Variants in SLC25A28 observed in about 807,000 individuals in gnomAD.
SLC25A28 encodes mitoferrin-2.
In SLC25A28, 10 loss-of-function variants were observed where a neutral mutation model predicts 31.9. The ratio of observed to expected loss-of-function variants is 0.31; its 90% CI spans 0.19 to 0.53. SLC25A28 has a LOEUF of 0.53. SLC25A28 is among the 20% of genes least tolerant of loss of function. The pLI is 0.95. For synonymous variants in SLC25A28, 208 were observed against 203.6 expected (o/e 1.02, Z -0.19); for missense variants, 256 against 490.3 (o/e 0.52, Z 4.51).
the SLC25A28 span, among the ~76,000 whole-genome samples, chr10:99,634,647 A>G: frequency 6.6e-6 from 1 of 152,234 alleles, no homozygotes; most frequent in Non-Finnish European, 1.5e-5. Context: ...CTGGGATTCT[A>G]TTAAATGACC....
the SLC25A28 span, among the ~76,000 whole-genome samples, chr10:99,633,897 T>A: frequency 6.6e-6 from 1 of 151,986 alleles, no homozygotes; most frequent in South Asian, 2.1e-4. Context: ...ACAGAGTCCA[T>A]TTCACCCCCC....
In SLC25A28 at chr10:99,615,902, G is replaced by A. The variant is rs921209209; in HGVS notation, c.292-1978C>T. 8.1e-6 allele frequency: 8 copies of A among 985,216 alleles called. No individual in the cohort carries two copies. The East Asian group carries it at 5.7e-4, about 70-fold the overall frequency. The allele number at this position is 985,216 out of a possible 1,614,324, so 61.0% of individuals were successfully genotyped here. A position where few individuals can be genotyped will look rare whatever the true frequency, so the allele number is the denominator to read the frequency against. On this transcript the variant is annotated intron_variant, in intron 1 of 3. Coordinates refer to ENST00000370495, the MANE Select transcript of SLC25A28 (RefSeq NM_031212.4). ...TACCAATTCTGAACGGTTTGGCTTC[G>A]GAGGCCTGGAACTCCTCACCCCCAA...
the SLC25A28 span, among the ~76,000 whole-genome samples, chr10:99,629,049 G>A: frequency 6.6e-6 from 1 of 152,146 alleles, no homozygotes; most frequent in Admixed American, 6.5e-5. Flanking sequence ...TAATTTGGAT[G>A]TCTGTCCCCT....
chr10:99,640,190 A>T, the SLC25A28 span, among the ~76,000 whole-genome samples: 1 of 152,238 alleles, frequency 6.6e-6, no homozygotes, highest in Non-Finnish European at 1.5e-5. Flanking sequence ...CACAAAACTT[A>T]GTAGCTTAAA....
intron 1 of SLC25A28, chr10:99,616,052 T>A: frequency 2.0e-6 from 2 of 985,428 alleles, no homozygotes; most frequent in African/African-American, 3.5e-5. Context: ...CTATGCCAAA[T>A]ATAAAAATGA....
chr10:99,657,698 T>C, the SLC25A28 span, among the ~76,000 whole-genome samples: 1 of 151,682 alleles, frequency 6.6e-6, no homozygotes, highest in East Asian at 1.9e-4. Flanking sequence ...AATCAGGACT[T>C]GGTCAATGAC....
intron 1 of SLC25A28, chr10:99,617,854 G>A: frequency 1.2e-6 from 1 of 820,776 alleles, no homozygotes; most frequent in Non-Finnish European, 1.5e-6. Flanking sequence ...CAAAGTTTAT[G>A]TAAATGAGTA....
At chr10:99,647,391 G>A in the SLC25A28 span, among the ~76,000 whole-genome samples, 2,223 of 152,170 alleles carry the variant, frequency 0.015, 62 homozygotes, top group African/African-American at 0.05. Context: ...GTGGTTTTCA[G>A]TTGCATTTCT....
rs151055787 is a variant in SLC25A28, at chr10:99,619,460, T to C, written c.291+585A>G. The C allele has an allele frequency of 3.1e-4, 298 of 968,532 alleles. 3 individuals carry two copies. The African/African-American group carries it at 4.9e-3, about 16-fold the overall frequency. The allele number at this position is 968,532 out of a possible 1,614,324, so 60.0% of individuals were successfully genotyped here. A position where few individuals can be genotyped will look rare whatever the true frequency, so the allele number is the denominator to read the frequency against. The stretch of plus-strand genomic sequence containing the variant: ...AGAGAAACTGAAACCTATTCCTGAA[T>C]ACGATCTTTCCCACATTACTTCCAG... On this transcript the variant is annotated intron_variant, in intron 1 of 3. Transcript: ENST00000370495.
the SLC25A28 span, among the ~76,000 whole-genome samples, chr10:99,651,342 T>C: frequency 2.6e-5 from 4 of 152,176 alleles, no homozygotes; most frequent in South Asian, 2.1e-4. Context: ...TTTGAACAGA[T>C]TGCTTATTTG....
chr10:99,633,643 T>G, the SLC25A28 span, among the ~76,000 whole-genome samples: 4 of 138,896 alleles, frequency 2.9e-5, no homozygotes, highest in Non-Finnish European at 1.5e-5. Context: ...CACTCCAGCC[T>G]GGGCGACAGA....
At chr10:99,616,963 T>A in intron 1 of SLC25A28, 1 of 984,756 alleles carries the variant, frequency 1.0e-6, no homozygotes, top group Non-Finnish European at 1.2e-6. Context: ...TGCAAGAAAA[T>A]CAAATAAGCT....
Position 99,611,513 on chromosome 10 carries a change from G to T in SLC25A28, c.578-147C>A. On this transcript the variant is annotated intron_variant, in intron 3 of 3. Coordinates refer to ENST00000370495, the MANE Select transcript of SLC25A28 (RefSeq NM_031212.4). The surrounding 1 kb of genome is among the most constrained non-coding windows in gnomAD (Gnocchi z 5.5). ...AGTGAGCTGCTGGCTAACCTGAGAA[G>T]TCAGCTTCCCTTTTTTGAGGGGAAG... The T allele has an allele frequency of 1.0e-6, 1 of 985,250 alleles. No homozygotes were observed. Among genetic ancestry groups the T allele is most frequent in the Non-Finnish European group, 1.5e-6 (1 of 678,612 alleles). The allele number at this position is 985,250 out of a possible 1,614,324, so 61.0% of individuals were successfully genotyped here. A position where few individuals can be genotyped will look rare whatever the true frequency, so the allele number is the denominator to read the frequency against.
the SLC25A28 span, among the ~76,000 whole-genome samples, chr10:99,651,483 G>A: frequency 6.6e-6 from 1 of 151,730 alleles, no homozygotes. Context: ...TCAGATATGT[G>A]ATTTGCAAAT....
At chr10:99,623,710 G>A (rs1404738513), upstream of SLC25A28, among the ~76,000 whole-genome samples, 1 of 152,124 alleles carries the variant, frequency 6.6e-6, no homozygotes, top group Non-Finnish European at 1.5e-5. Context: ...GAAATACGAG[G>A]GAAGCACAAG....
the SLC25A28 span, among the ~76,000 whole-genome samples, chr10:99,645,242 T>C: frequency 8.0e-3 from 1,220 of 152,344 alleles, 28 homozygotes; most frequent in Admixed American, 0.053. Flanking sequence ...TCTTGGAGGC[T>C]TTGTTAGTGG....
At chr10:99,630,530 G>T in the SLC25A28 span, among the ~76,000 whole-genome samples, 1 of 152,098 alleles carries the variant, frequency 6.6e-6, no homozygotes, top group African/African-American at 2.4e-5. Flanking sequence ...TGACACAGGT[G>T]GTCCCTGGAC....
In SLC25A28 at chr10:99,620,108, C is replaced by CGAG; in HGVS notation, c.227_228insCTC (p.Met76delinsIleSer). 1 of 1,586,110 alleles carries CGAG rather than the reference C, an allele frequency of 6.3e-7. No homozygotes were observed. The highest frequency in any genetic ancestry group is 8.5e-7 in the Non-Finnish European group (1 of 1,173,736). ...GGATCCCTGCCACGGCGCCTGCCAC[C>CGAG]ATGTGCGTGGTGACAGTGGCTCCAG... is the stretch of plus-strand genomic sequence containing the variant. On this transcript the variant is annotated protein_altering_variant, in exon 1 of 4. Transcript: ENST00000370495.
the SLC25A28 span, among the ~76,000 whole-genome samples, chr10:99,631,574 A>C: frequency 1.3e-5 from 2 of 152,244 alleles, no homozygotes; most frequent in East Asian, 3.8e-4. Flanking sequence ...AACTAACAAA[A>C]CAGAGTTAGT....
Sources: gnomAD v4.1 joint callset for allele counts (sites outside exome capture counted in the v4.1 genomes callset) on GRCh38, gnomAD v4.1.1 for gene constraint, Gnocchi (gnomAD v3.1) non-coding constraint, MANE v1.5 for transcripts, NCBI Gene and HGNC (gene_info 2026-07-23, HGNC 2026-07-21) for gene names.